ATAD2B: variants seen among roughly 807,000 people sequenced by gnomAD.
The protein encoded by ATAD2B is ATPase family AAA domain containing 2B.
In ATAD2B, 40 loss-of-function variants were observed where a neutral mutation model predicts 167.6. That is an observed-to-expected ratio of 0.24 (90% CI 0.19 to 0.31). The LOEUF is 0.31. Among genes scored for constraint, ATAD2B ranks in the 10% least tolerant of loss-of-function variants. The pLI is 1.00. For missense variants in ATAD2B, 1,242 were observed against 1,757.2 expected (o/e 0.71, Z 5.24); for synonymous variants, 579 against 596.5 (o/e 0.97, Z 0.43).
chr2:23,716,343 T>C, the ATAD2B span, among the ~76,000 whole-genome samples: 3 of 152,350 alleles, frequency 2.0e-5, no homozygotes, highest in South Asian at 6.2e-4. Flanking sequence ...GCAAGGTTTA[T>C]TGATTTACCA....
the ATAD2B span, among the ~76,000 whole-genome samples, chr2:23,731,436 A>G: frequency 2.6e-5 from 4 of 152,222 alleles, no homozygotes; most frequent in Non-Finnish European, 5.9e-5. Context: ...TGACATCACA[A>G]TAAGGAGGAT....
chr2:23,857,816 A>G (rs1433358218), intron 12 of ATAD2B, among the ~76,000 whole-genome samples: 2 of 142,572 alleles, frequency 1.4e-5, no homozygotes, highest in Admixed American at 7.8e-5. Context: ...ATCTCGGCTC[A>G]CTACAAGCTC....
intron 16 of ATAD2B, among the ~76,000 whole-genome samples, chr2:23,822,414 A>G (rs1280141450): frequency 2.6e-5 from 4 of 152,010 alleles, no homozygotes. Flanking sequence ...GCGTGGCGGC[A>G]CACGCCTGTA....
chr2:23,727,403 C>A, the ATAD2B span, among the ~76,000 whole-genome samples: 1 of 152,238 alleles, frequency 6.6e-6, no homozygotes, highest in East Asian at 1.9e-4. Flanking sequence ...GGCCAAAATC[C>A]AAACCACACA....
chr2:23,691,628 G>A, the ATAD2B span: 1 of 1,504,372 alleles, frequency 6.6e-7, no homozygotes, highest in Non-Finnish European at 9.0e-7. Context: ...AAGCGGCACG[G>A]TGGCCGCAGG....
At chr2:23,894,822 T>C (rs1210452813) in intron 2 of ATAD2B, among the ~76,000 whole-genome samples, 1 of 152,172 alleles carries the variant, frequency 6.6e-6, no homozygotes, top group African/African-American at 2.4e-5. Flanking sequence ...AGACTATGAT[T>C]CATGTATTTT....
At chr2:23,796,818 C>T (rs1266394391) in intron 19 of ATAD2B, among the ~76,000 whole-genome samples, 3 of 152,118 alleles carry the variant, frequency 2.0e-5, no homozygotes, top group Admixed American at 6.5e-5. Flanking sequence ...ACACCAATGA[C>T]CCTGTCTGTT....
the ATAD2B span, among the ~76,000 whole-genome samples, chr2:23,699,225 T>TG: frequency 6.6e-6 from 1 of 152,190 alleles, no homozygotes; most frequent in Non-Finnish European, 1.5e-5. Context: ...GAGTTATGAC[T>TG]GGTGTCCCAA....
Position 23,864,832 on chromosome 2 carries a change from T to C in ATAD2B, c.1281A>G (p.Glu427=), listed in dbSNP as rs760269708. 1.9e-6 allele frequency: 3 copies of C among 1,584,574 alleles called. No individual in the cohort carries two copies. In the South Asian group the frequency reaches 3.5e-5, roughly 19 times the overall value. ...VFPLLYPEIF[E]KFKIQPPRGC... is the part of the protein sequence containing the mutation. Reference sequence around the variant, plus strand: ...ACCTTGGAGGCTGAATTTTAAACTTTTCAAAAATTTCTGGATATAAAAGTG... The same window carrying C: ...ACCTTGGAGGCTGAATTTTAAACTTCTCAAAAATTTCTGGATATAAAAGTG... The change falls in exon 11 of 28, where the codon GAA becomes GAG. Residue 427 remains glutamate, a synonymous_variant. Transcript: ENST00000238789.
the ATAD2B span, among the ~76,000 whole-genome samples, chr2:23,712,521 G>A: frequency 6.6e-6 from 1 of 152,172 alleles, no homozygotes; most frequent in Admixed American, 6.5e-5. Context: ...TCACATGCTT[G>A]TGGAATCACA....
chr2:23,915,376 G>A (rs112154904), intron 1 of ATAD2B, among the ~76,000 whole-genome samples: 4 of 151,222 alleles, frequency 2.6e-5, no homozygotes, highest in African/African-American at 9.7e-5. Flanking sequence ...CTAGGCTAAT[G>A]GGGACATACG....
rs1454578323 is a variant in ATAD2B at position 23,751,787 on chromosome 2, A to G, written c.*259T>C. 1 of 476,898 alleles carries G rather than the reference A, an allele frequency of 2.1e-6. No individual in the cohort carries two copies. Among genetic ancestry groups the G allele is most frequent in the South Asian group, 2.7e-5 (1 of 36,644 alleles). 29.5% of individuals were successfully genotyped at this position (476,898 alleles called of 1,614,324 possible). On this transcript the variant is annotated 3_prime_UTR_variant, in exon 28 of 28. Coordinates refer to ENST00000238789, the MANE Select transcript of ATAD2B (RefSeq NM_017552.4). ...AAGCGAGAGCAGTTTCTGTAGCACC[A>G]AAATCTCCAAGCTGTGGGGTTGTAT...
intron 1 of ATAD2B, among the ~76,000 whole-genome samples, chr2:23,911,113 C>T (rs1385228594): frequency 1.4e-5 from 2 of 146,708 alleles, no homozygotes; most frequent in East Asian, 2.1e-4. Flanking sequence ...GCCAGCTACT[C>T]GGGAGGCTGA....
intron 13 of ATAD2B, among the ~76,000 whole-genome samples, chr2:23,835,060 T>C (rs768006897): frequency 4.4e-4 from 67 of 152,196 alleles, no homozygotes; most frequent in Non-Finnish European, 7.6e-4. Context: ...TAACAGCTTT[T>C]GATGAGGATG....
Position 23,782,617 on chromosome 2 carries a change from A to C in ATAD2B, c.3133+252T>G, listed in dbSNP as rs565266655. ...CTAATATATTTTCAATTAAATTCTCAAATTACAATGTAAATATAAAAAGTA... is the reference window on the plus strand; with the variant it reads ...CTAATATATTTTCAATTAAATTCTCCAATTACAATGTAAATATAAAAAGTA... On this transcript the variant is annotated intron_variant, in intron 22 of 27. Coordinates refer to ENST00000238789, the MANE Select transcript of ATAD2B (RefSeq NM_017552.4). Among the ~76,000 whole-genome samples, 28 of 152,366 alleles carry C rather than the reference A, an allele frequency of 1.8e-4. No individual in the cohort carries two copies. The East Asian group carries it at 4.8e-3, about 26-fold the overall frequency.
intron 22 of ATAD2B, among the ~76,000 whole-genome samples, chr2:23,779,802 C>T (rs1011371516): frequency 1.3e-5 from 2 of 152,042 alleles, no homozygotes; most frequent in Non-Finnish European, 2.9e-5. Context: ...TATAAAAATC[C>T]TAGTCATTTT....
At chr2:23,760,162 T>C (rs1345214474) in intron 24 of ATAD2B, among the ~76,000 whole-genome samples, 2 of 152,136 alleles carry the variant, frequency 1.3e-5, no homozygotes, top group African/African-American at 4.8e-5. Flanking sequence ...GAGAAAATGG[T>C]CTTAATCTTT....
At chr2:23,733,486 T>C in the ATAD2B span, among the ~76,000 whole-genome samples, 1 of 152,234 alleles carries the variant, frequency 6.6e-6, no homozygotes, top group Non-Finnish European at 1.5e-5. Flanking sequence ...AGTGATCTGA[T>C]TCGTGCTCAT....
At chr2:23,917,137 T>TA (rs1573443770) in intron 1 of ATAD2B, among the ~76,000 whole-genome samples, 1 of 152,372 alleles carries the variant, frequency 6.6e-6, no homozygotes, top group East Asian at 1.9e-4. Flanking sequence ...ACATGGCACT[T>TA]ACATTTTAGT....
Sources: gnomAD v4.1 joint callset for allele counts (sites outside exome capture counted in the v4.1 genomes callset) on GRCh38, gnomAD v4.1.1 for gene constraint, MANE v1.5 for transcripts, NCBI Gene and HGNC (gene_info 2026-07-23, HGNC 2026-07-21) for gene names.